The following YWHAZ variants were observed in gnomAD, a reference collection of about 807,000 sequenced individuals.
YWHAZ encodes the protein tyrosine 3-monooxygenase/tryptophan 5-monooxygenase activation protein zeta, also known as 14-3-3 protein zeta/delta.
For missense variants in YWHAZ, 79 were observed against 284.8 expected, an observed-to-expected ratio of 0.28 and a Z score of 5.20; for synonymous variants, 87 against 103.6, an observed-to-expected ratio of 0.84 and a Z score of 0.97.
In YWHAZ at chr8:100,918,408, T is replaced by TA. The variant is rs1554611374; in HGVS notation, c.*2284_*2285insT. The TA allele has an allele frequency of 7.2e-5, 3 of 41,886 alleles. No homozygotes were observed. Among genetic ancestry groups the TA allele is most frequent in the Admixed American group, 3.9e-4 (1 of 2,584 alleles). The allele number at this position is 41,886 out of a possible 1,614,324, so 2.6% of individuals were successfully genotyped here. On this transcript the variant is annotated 3_prime_UTR_variant, in exon 6 of 6. Transcript: ENST00000395958. ...AGTCTAGCTATAAAATATAATTACTTTATATATATATATATATATATATAT... is the reference window on the plus strand; with the variant it reads ...AGTCTAGCTATAAAATATAATTACTTATATATATATATATATATATATATAT...
Position 100,945,150 on chromosome 8 carries a change from C to A in YWHAZ, c.294+3446G>T, listed in dbSNP as rs1316796353. On this transcript the variant is annotated intron_variant, in intron 2 of 5. Coordinates refer to ENST00000395958, the MANE Select transcript of YWHAZ (RefSeq NM_145690.3). ...CACATATTGCAGTTTGAAATTAACA[C>A]GTGGAAGAGAAGAAACCCAAGTTCT... Among the ~76,000 whole-genome samples the A allele has an allele frequency of 3.3e-5, 5 of 152,268 alleles. No individual in the cohort carries two copies. The East Asian group carries it at 9.6e-4, about 29-fold the overall frequency.
chr8:100,951,206 C>A, intron 1 of YWHAZ: 1 of 985,352 alleles, frequency 1.0e-6, no homozygotes, highest in African/African-American at 1.7e-5. Flanking sequence ...ACTCCCCTCC[C>A]GCCGGCGCGC....
intron 2 of YWHAZ, among the ~76,000 whole-genome samples, chr8:100,937,899 G>A (rs1291119515): frequency 6.6e-6 from 1 of 152,210 alleles, no homozygotes; most frequent in African/African-American, 2.4e-5. Flanking sequence ...GGGAGGCCGA[G>A]GCAGGAGGAT....
chr8:100,952,104 AC>A, upstream of YWHAZ: 5 of 986,872 alleles, frequency 5.1e-6, no homozygotes, highest in Non-Finnish European at 4.8e-6. Context: ...CAGGGGCACC[AC>A]ACGCACGATG....
At chr8:100,951,388 C>A (rs909038149) in intron 1 of YWHAZ, 6 of 973,524 alleles carry the variant, frequency 6.2e-6, no homozygotes, top group Non-Finnish European at 7.3e-6. Flanking sequence ...CAGCGCCCAG[C>A]GCGGAGGCTG....
chr8:100,935,306 T>C (rs1405068678), intron 2 of YWHAZ, among the ~76,000 whole-genome samples: 2 of 152,218 alleles, frequency 1.3e-5, no homozygotes, highest in African/African-American at 4.8e-5. Flanking sequence ...CTGTAATAGC[T>C]TCATTTAAAT....
chr8:100,932,532 A>T (rs1426213912), intron 2 of YWHAZ, among the ~76,000 whole-genome samples: 6 of 152,212 alleles, frequency 3.9e-5, no homozygotes, highest in Non-Finnish European at 8.8e-5. Context: ...GAAAACTAAG[A>T]TCATGGTGGT....
chr8:100,928,535 C>A (rs146520823), intron 2 of YWHAZ, among the ~76,000 whole-genome samples: 30 of 151,970 alleles, frequency 2.0e-4, no homozygotes. Flanking sequence ...AGTTCGAGAC[C>A]AGCCTGGCCA....
Position 100,924,813 on chromosome 8 carries a change from GCACTCTA to G in YWHAZ, c.418+96_418+102del. 6.9e-7 allele frequency: 1 copy of G among 1,443,902 alleles called. No homozygotes were observed. Among genetic ancestry groups the G allele is most frequent in the Non-Finnish European group, 9.4e-7 (1 of 1,060,416 alleles). The allele number at this position is 1,443,902 out of a possible 1,614,324, so 89.4% of individuals were successfully genotyped here. ...AAAGAGCACTGCTACTCCTTATTCG[GCACTCTA>G]AGCAATTCAAAACAAGACATTATGT... On this transcript the variant is annotated intron_variant, in intron 3 of 5. Transcript: ENST00000395958. The surrounding 1 kb of genome is among the most constrained non-coding windows in gnomAD (Gnocchi z 5.7).
At position 100,917,681 on chromosome 8, in the gene YWHAZ, T is replaced by C. The variant is rs1447710047; in HGVS notation, c.*3012A>G. The C allele has an allele frequency of 1.3e-5, 2 of 152,220 alleles. No homozygotes were observed. The highest frequency in any genetic ancestry group is 2.1e-4 in the South Asian group (1 of 4,834). 9.4% of individuals were successfully genotyped at this position (152,220 alleles called of 1,614,324 possible). Reference sequence around the variant, plus strand: ...TTGCAGTGAGCCGAGATCAGGCCACTGCACCCCAGCCTGGGCGAGAGTTGA... The same window carrying C: ...TTGCAGTGAGCCGAGATCAGGCCACCGCACCCCAGCCTGGGCGAGAGTTGA... On this transcript the variant is annotated 3_prime_UTR_variant, in exon 6 of 6. Transcript: ENST00000395958.
In YWHAZ at chr8:100,951,989, G is replaced by GGCGGCAGCA. The variant is rs1810825969; in HGVS notation, c.-81_-73dup. 12 of 1,004,586 alleles carry GGCGGCAGCA rather than the reference G, an allele frequency of 1.2e-5. No individual in the cohort carries two copies. Among genetic ancestry groups the GGCGGCAGCA allele is most frequent in the African/African-American group, 5.2e-5 (3 of 57,524 alleles). 62.2% of individuals were successfully genotyped at this position (1,004,586 alleles called of 1,614,324 possible). A position where few individuals can be genotyped will look rare whatever the true frequency, so the allele number is the denominator to read the frequency against. On this transcript the variant is annotated 5_prime_UTR_variant, in exon 1 of 6. Coordinates refer to ENST00000395958, the MANE Select transcript of YWHAZ (RefSeq NM_145690.3). The stretch of plus-strand genomic sequence containing the variant: ...GGCTCAGCAGTCTCTGGGCGGCGGC[G>GGCGGCAGCA]GCGGCAGCAGCGGCGAGGCTGAGAC...
intron 1 of YWHAZ, chr8:100,951,618 G>T (rs971741732): frequency 4.1e-6 from 4 of 985,386 alleles, no homozygotes; most frequent in African/African-American, 1.7e-5. Flanking sequence ...GGGAGCCGGC[G>T]ACAGGGAGAT....
chr8:100,942,242 G>GAA (rs201160366), intron 2 of YWHAZ, among the ~76,000 whole-genome samples: 3 of 151,066 alleles, frequency 2.0e-5, no homozygotes, highest in Non-Finnish European at 4.4e-5. Flanking sequence ...AATGGCAATA[G>GAA]AAAAAAAAAC....
At chr8:100,935,324 T>C (rs952106108) in intron 2 of YWHAZ, among the ~76,000 whole-genome samples, 7 of 152,220 alleles carry the variant, frequency 4.6e-5, no homozygotes, top group African/African-American at 1.7e-4. Flanking sequence ...AATAAAACAT[T>C]TTAAAACTAT....
rs1812766190 is a variant in YWHAZ, at chr8:100,917,813, A to G, written c.*2880T>C. 1 of 152,242 alleles carries G rather than the reference A, an allele frequency of 6.6e-6. No individual in the cohort carries two copies. The highest frequency in any genetic ancestry group is 2.4e-5 in the African/African-American group (1 of 41,468). The allele number at this position is 152,242 out of a possible 1,614,324, so 9.4% of individuals were successfully genotyped here. ...ACTAGGATGTTACATTGACAAAAGC[A>G]GACGTAAAGCCTGGATTTGGGACAA... On this transcript the variant is annotated 3_prime_UTR_variant, in exon 6 of 6. Transcript: ENST00000395958.
intron 1 of YWHAZ, among the ~76,000 whole-genome samples, chr8:100,949,493 G>C (rs1012375776): frequency 6.6e-6 from 1 of 151,850 alleles, no homozygotes; most frequent in African/African-American, 2.4e-5. Context: ...CAATTTGGGG[G>C]GGAATGACCA....
chr8:100,950,151 G>A (rs1022727236), intron 1 of YWHAZ, among the ~76,000 whole-genome samples: 1 of 152,136 alleles, frequency 6.6e-6, no homozygotes, highest in African/African-American at 2.4e-5. Flanking sequence ...GGCTCAATAC[G>A]TAAACTATTT....
chr8:100,928,397 T>A (rs1813515558), intron 2 of YWHAZ, among the ~76,000 whole-genome samples: 3 of 152,076 alleles, frequency 2.0e-5, no homozygotes, highest in Non-Finnish European at 4.4e-5. Flanking sequence ...AGATTAAATT[T>A]AAAGGGGCTA....
chr8:100,925,174 T>C (rs1813276010), intron 2 of YWHAZ, 135 bp from the exon 3 acceptor site: 4 of 912,802 alleles, frequency 4.4e-6, no homozygotes, highest in South Asian at 1.9e-5. Context: ...CAATTGTGAA[T>C]GCAGCTGGCA....
Sources: allele counts gnomAD v4.1 joint callset (sites outside exome capture counted in the v4.1 genomes callset), GRCh38; gene constraint gnomAD v4.1.1; non-coding constraint Gnocchi (gnomAD v3.1); transcripts MANE v1.5; gene names NCBI Gene and HGNC (gene_info 2026-07-23, HGNC 2026-07-21).